Variants in TENM2 observed in about 807,000 individuals in gnomAD.
TENM2 encodes teneurin transmembrane protein 2.
A neutral mutation model predicts 245.2 loss-of-function variants in TENM2; 52 were observed. The ratio of observed to expected loss-of-function variants is 0.21; its 90% CI spans 0.17 to 0.27. TENM2 has a LOEUF of 0.27. TENM2 is among the 10% of genes least tolerant of loss of function. The pLI is 1.00. For synonymous variants in TENM2, 1,363 were observed against 1,438.9 expected, an observed-to-expected ratio of 0.95 and a Z score of 1.19; for missense variants, 3,046 against 3,666.8, an observed-to-expected ratio of 0.83 and a Z score of 4.37.
intron 2 of TENM2, among the ~76,000 whole-genome samples, chr5:167,441,716 T>C (rs868606757): frequency 1.1e-3 from 168 of 152,348 alleles, no homozygotes; most frequent in African/African-American, 3.8e-3. Context: ...CCCGCTTTCA[T>C]ACGTATGTTG....
At chr5:167,834,941 C>T (rs566651348) in intron 2 of TENM2, among the ~76,000 whole-genome samples, 8 of 152,296 alleles carry the variant, frequency 5.3e-5, no homozygotes, top group South Asian at 2.1e-4. Flanking sequence ...TGAGCCACTG[C>T]GCCCGGCCTT....
At chr5:167,406,815 T>C (rs1054130744) in intron 2 of TENM2, among the ~76,000 whole-genome samples, 2 of 152,158 alleles carry the variant, frequency 1.3e-5, no homozygotes, top group Non-Finnish European at 2.9e-5. Context: ...AAATACCTAC[T>C]TACTTTAGAT....
chr5:168,167,550 T>C (rs1175622839), intron 13 of TENM2, among the ~76,000 whole-genome samples: 1 of 151,998 alleles, frequency 6.6e-6, no homozygotes. Flanking sequence ...CACCTGGAGG[T>C]AGGGTAGGAG....
chr5:168,227,849 C>A, intron 24 of TENM2, 46 bp from the exon 27 acceptor site: 2 of 1,241,084 alleles, frequency 1.6e-6, no homozygotes, highest in Non-Finnish European at 2.3e-6. Flanking sequence ...ACTAATAGAG[C>A]GGATAATTTA....
chr5:167,696,923 G>C (rs533071343), intron 2 of TENM2, among the ~76,000 whole-genome samples: 1 of 152,258 alleles, frequency 6.6e-6, no homozygotes, highest in South Asian at 2.1e-4. Flanking sequence ...AAAACCTCAA[G>C]AAGCTCATCA....
chr5:167,065,151 T>A, the TENM2 span, among the ~76,000 whole-genome samples: 1,656 of 152,272 alleles, frequency 0.011, 26 homozygotes, highest in African/African-American at 0.038. Flanking sequence ...AGCTCTGAAA[T>A]TGATTTTGAA....
At chr5:167,366,909 T>C (rs1288266740) in intron 1 of TENM2, among the ~76,000 whole-genome samples, 1 of 152,146 alleles carries the variant, frequency 6.6e-6, no homozygotes, top group Admixed American at 6.5e-5. Flanking sequence ...CTGAAATTGA[T>C]TTTTAATTTC....
At chr5:167,807,657 A>G (rs2150979355) in intron 2 of TENM2, among the ~76,000 whole-genome samples, 1 of 151,656 alleles carries the variant, frequency 6.6e-6, no homozygotes, top group African/African-American at 2.4e-5. Context: ...AACCTCTTAA[A>G]ATATGACATG....
At chr5:168,216,297 T>C (rs1191514299) in intron 21 of TENM2, among the ~76,000 whole-genome samples, 1 of 152,210 alleles carries the variant, frequency 6.6e-6, no homozygotes, top group Non-Finnish European at 1.5e-5. Context: ...GAATACTTCC[T>C]GAAGCATACA....
intron 20 of TENM2, among the ~76,000 whole-genome samples, chr5:168,212,556 A>G (rs748048848): frequency 1.3e-5 from 2 of 152,232 alleles, no homozygotes; most frequent in Admixed American, 6.5e-5. Context: ...GAAATGAAAC[A>G]TGGACAGCTC....
chr5:167,695,668 A>G (rs1449182588), intron 2 of TENM2, among the ~76,000 whole-genome samples: 1 of 151,370 alleles, frequency 6.6e-6, no homozygotes, highest in Non-Finnish European at 1.5e-5. Context: ...TATTTTAAAC[A>G]TTTTATTTTA....
rs1356828277 is a variant in TENM2 at position 168,044,507 on chromosome 5, ATG to A, written c.1187-2916_1187-2915del. ...TATCCCATCTTCTATGCCTCTGATTATGTGTTTTTTAATTTATAAGCATATAA... is the reference window on the plus strand; with the variant it reads ...TATCCCATCTTCTATGCCTCTGATTATGTTTTTTAATTTATAAGCATATAA... On this transcript the variant is annotated intron_variant, in intron 5 of 28. Transcript: ENST00000518659. Among the ~76,000 whole-genome samples the A allele has an allele frequency of 2.0e-5, 3 of 152,160 alleles. No individual in the cohort carries two copies. In the East Asian group the frequency reaches 5.8e-4, roughly 29 times the overall value.
intron 15 of TENM2, among the ~76,000 whole-genome samples, chr5:168,198,332 A>G (rs573554805): frequency 2.5e-4 from 38 of 151,886 alleles, no homozygotes; most frequent in Admixed American, 1.3e-3. Flanking sequence ...AGTAGCTGAG[A>G]CTACAGGCAC....
chr5:167,913,051 C>A (rs1776669725), intron 3 of TENM2, among the ~76,000 whole-genome samples: 1 of 152,100 alleles, frequency 6.6e-6, no homozygotes, highest in African/African-American at 2.4e-5. Context: ...TCCATAGCAT[C>A]CCTGCATTCC....
chr5:167,021,879 G>A, the TENM2 span, among the ~76,000 whole-genome samples: 2 of 152,156 alleles, frequency 1.3e-5, no homozygotes, highest in Non-Finnish European at 2.9e-5. Context: ...TCTAGAAAAT[G>A]AGAATAATGA....
intron 12 of TENM2, among the ~76,000 whole-genome samples, chr5:168,138,579 C>T (rs1177519401): frequency 6.6e-6 from 1 of 152,202 alleles, no homozygotes; most frequent in African/African-American, 2.4e-5. Flanking sequence ...TGTTCCAAGA[C>T]AAGTTCCTTG....
intron 2 of TENM2, among the ~76,000 whole-genome samples, chr5:167,864,192 A>G (rs905828232): frequency 6.6e-6 from 1 of 152,198 alleles, no homozygotes; most frequent in African/African-American, 2.4e-5. Context: ...TCCCTAAAGC[A>G]CATAGCAAAA....
chr5:167,424,827 TA>T (rs1260098591), intron 2 of TENM2, among the ~76,000 whole-genome samples: 1 of 152,192 alleles, frequency 6.6e-6, no homozygotes, highest in East Asian at 1.9e-4. Flanking sequence ...TTGAAAATAT[TA>T]TTCTTGCAGG....
At chr5:167,727,573 G>T (rs1383867316) in intron 2 of TENM2, among the ~76,000 whole-genome samples, 1 of 152,296 alleles carries the variant, frequency 6.6e-6, no homozygotes, top group African/African-American at 2.4e-5. Flanking sequence ...AGATATATTT[G>T]TTCATGTTCA....
Sources: gnomAD v4.1 joint callset for allele counts (sites outside exome capture counted in the v4.1 genomes callset) on GRCh38, gnomAD v4.1.1 for gene constraint, MANE v1.5 for transcripts, NCBI Gene and HGNC (gene_info 2026-07-23, HGNC 2026-07-21) for gene names.